Variants in CHD1 observed in about 807,000 individuals in gnomAD.
CHD1 encodes the protein chromodomain helicase DNA binding protein 1.
A neutral mutation model predicts 224.2 loss-of-function variants in CHD1; 36 were observed. That is an observed-to-expected ratio of 0.16 (90% CI 0.12 to 0.21). The LOEUF (loss-of-function observed/expected upper bound fraction) is 0.21, where lower values mean the gene tolerates loss of function less well. CHD1 is among the 10% of genes least tolerant of loss of function. CHD1 has a pLI of 1.00. For missense variants in CHD1, 1,378 were observed against 1,994.8 expected, an observed-to-expected ratio of 0.69 and a Z score of 5.89; for synonymous variants, 668 against 658.3, an observed-to-expected ratio of 1.01 and a Z score of -0.23.
At chr5:98,874,252 C>A (rs1029791130) in intron 25 of CHD1, among the ~76,000 whole-genome samples, 5 of 151,964 alleles carry the variant, frequency 3.3e-5, no homozygotes, top group African/African-American at 1.2e-4. Context: ...CTTTGCTGAT[C>A]TATATTCAGA....
intron 15 of CHD1, among the ~76,000 whole-genome samples, chr5:98,892,067 CCTTT>C (rs1171280649): frequency 3.3e-5 from 5 of 152,096 alleles, no homozygotes; most frequent in Non-Finnish European, 5.9e-5. Flanking sequence ...AACAGATTTT[CCTTT>C]CTGATTCTTT....
intron 8 of CHD1, 44 bp from the exon 9 acceptor site, chr5:98,898,808 A>G: frequency 9.0e-7 from 1 of 1,108,852 alleles, no homozygotes; most frequent in Non-Finnish European, 1.4e-6. Flanking sequence ...AATCTCCCAT[A>G]AATAACCTTT....
chr5:98,911,519 T>C (rs564321246), intron 2 of CHD1, among the ~76,000 whole-genome samples: 2 of 152,254 alleles, frequency 1.3e-5, no homozygotes, highest in African/African-American at 4.8e-5. Flanking sequence ...ACTCAAAGTG[T>C]CTTCTCACAA....
At position 98,893,406 on chromosome 5, in the gene CHD1, G is replaced by A. The variant is rs1751147668; in HGVS notation, c.1991+10C>T. 6.4e-7 allele frequency: 1 copy of A among 1,565,952 alleles called. No individual in the cohort carries two copies. Among genetic ancestry groups the A allele is most frequent in the African/African-American group, 1.4e-5 (1 of 72,386 alleles). On this transcript the variant is annotated intron_variant, in intron 14 of 35. Coordinates refer to ENST00000614616, the MANE Select transcript of CHD1 (RefSeq NM_001270.4). Reference sequence around the variant, plus strand: ...CACACAATATGATTAAAATTGTAAAGTTGTCTTACTTTTCTGGCATAATGA... The same window carrying A: ...CACACAATATGATTAAAATTGTAAAATTGTCTTACTTTTCTGGCATAATGA...
rs1324997089 is a variant in CHD1, at chr5:98,898,279, T to C, written c.1342A>G (p.Thr448Ala). Residue 448 changes from threonine to alanine, a missense_variant, in exon 10 of 36, where the codon ACC becomes GCC. This residue lies in a region of CHD1 where 86 missense variants were observed against 97.7 expected (regional missense o/e 0.88). Transcript: ENST00000614616. ...DEYFSRNQSK[T>A]TPFKDCKVLK... ...ACTTTGCAATCTTTAAAAGGAGTGG[T>C]TTTTGATTGGTTCCTGCTAAAATAC... 6.5e-7 allele frequency: 1 copy of C among 1,539,182 alleles called. No homozygotes were observed. The highest frequency in any genetic ancestry group is 8.7e-7 in the Non-Finnish European group (1 of 1,145,300).
intron 29 of CHD1, among the ~76,000 whole-genome samples, 198 bp downstream of exon 29, chr5:98,870,489 G>A (rs571663933): frequency 2.0e-5 from 3 of 151,914 alleles, no homozygotes; most frequent in Non-Finnish European, 4.4e-5. Flanking sequence ...TGAAAGCTAT[G>A]ATTCATCAGT....
chr5:98,881,617 C>T (rs1750195409), intron 20 of CHD1, among the ~76,000 whole-genome samples: 1 of 152,064 alleles, frequency 6.6e-6, no homozygotes, highest in African/African-American at 2.4e-5. Context: ...TCAACTGATC[C>T]TCCCACCTCA....
At position 98,868,565 on chromosome 5, in the gene CHD1, A is replaced by T; in HGVS notation, c.4178T>A (p.Ile1393Asn). 2 of 1,612,724 alleles carry T rather than the reference A, an allele frequency of 1.2e-6. No individual in the cohort carries two copies. Among genetic ancestry groups the T allele is most frequent in the South Asian group, 1.1e-5 (1 of 90,728 alleles). Residue 1393 changes from isoleucine (I) to asparagine (N), a missense_variant, in exon 31 of 36, where the codon ATC becomes AAC. Physicochemically the swap from Ile to Asn is moderately radical, Grantham distance 149. This residue lies in a region of CHD1 where 105 missense variants were observed against 93.4 expected (regional missense o/e 1.12). Coordinates refer to ENST00000614616, the MANE Select transcript of CHD1 (RefSeq NM_001270.4). ...GGGAACTGGTTCACCACTTGCCGTG[A>T]TATGAACTGGAGCATCTGACACTGA... ...KSSVSDAPVH[I>N]TASGEPVPIS...
chr5:98,869,636 AC>A, intron 30 of CHD1, 117 bp downstream of exon 30: 1 of 1,060,918 alleles, frequency 9.4e-7, no homozygotes, highest in East Asian at 2.5e-5. Context: ...ACACACACAC[AC>A]ACACACACAC....
intron 2 of CHD1, among the ~76,000 whole-genome samples, chr5:98,909,211 T>C (rs1752234580): frequency 6.6e-6 from 1 of 152,204 alleles, no homozygotes; most frequent in Admixed American, 6.5e-5. Context: ...TTTAGTCTCA[T>C]AATTGTTTCT....
intron 18 of CHD1, among the ~76,000 whole-genome samples, chr5:98,884,354 G>C (rs866456180): frequency 6.6e-6 from 1 of 152,036 alleles, no homozygotes; most frequent in African/African-American, 2.4e-5. Context: ...GATTACAAGC[G>C]TGAGCCACCA....
chr5:98,927,245 GAC>G (rs1194749859), intron 1 of CHD1, among the ~76,000 whole-genome samples: 1 of 152,058 alleles, frequency 6.6e-6, no homozygotes, highest in Non-Finnish European at 1.5e-5. Flanking sequence ...AATGAACCAA[GAC>G]ACACCATTTC....
At chr5:98,891,813 A>AAAAC (rs1409101824) in intron 15 of CHD1, among the ~76,000 whole-genome samples, 14 of 152,220 alleles carry the variant, frequency 9.2e-5, no homozygotes, top group Non-Finnish European at 1.8e-4. Context: ...TCCGTCTCAA[A>AAAAC]AAACAAACAA....
chr5:98,884,860 C>T (rs1411725017), intron 18 of CHD1, among the ~76,000 whole-genome samples: 4 of 151,740 alleles, frequency 2.6e-5, no homozygotes, highest in Admixed American at 6.6e-5. Context: ...GGACTACAAC[C>T]GAGTGCCACT....
intron 31 of CHD1, among the ~76,000 whole-genome samples, chr5:98,865,540 T>C (rs535676922): frequency 6.6e-6 from 1 of 152,292 alleles, no homozygotes; most frequent in African/African-American, 2.4e-5. Context: ...AACTGAAACT[T>C]AGAATACAAT....
intron 31 of CHD1, among the ~76,000 whole-genome samples, chr5:98,864,081 T>C (rs1044222337): frequency 6.6e-6 from 1 of 152,108 alleles, no homozygotes; most frequent in Non-Finnish European, 1.5e-5. Context: ...TCTTCATATT[T>C]TGGGTGGTTG....
intron 5 of CHD1, among the ~76,000 whole-genome samples, chr5:98,901,553 AC>A (rs1751713704): frequency 6.6e-6 from 1 of 152,186 alleles, no homozygotes. Context: ...ACTTAGTTAT[AC>A]GTCAGTGAAC....
intron 2 of CHD1, among the ~76,000 whole-genome samples, chr5:98,917,424 C>A (rs1752809848): frequency 6.6e-6 from 1 of 152,048 alleles, no homozygotes; most frequent in Non-Finnish European, 1.5e-5. Context: ...ATCCACCTGA[C>A]ATATACATGT....
intron 12 of CHD1, 119 bp from the exon 13 acceptor site, chr5:98,894,805 T>C (rs916729530): frequency 1.2e-5 from 6 of 495,480 alleles, no homozygotes; most frequent in South Asian, 2.3e-5. Flanking sequence ...TATATGTTTA[T>C]GTAATAAAAG....
Sources: allele counts gnomAD v4.1 joint callset (sites outside exome capture counted in the v4.1 genomes callset), GRCh38; gene constraint gnomAD v4.1.1; regional missense constraint gnomAD v4.1.1; transcripts MANE v1.5; gene names NCBI Gene and HGNC (gene_info 2026-07-23, HGNC 2026-07-21).